Variants in SLC14A1 observed in about 807,000 individuals in gnomAD.
The protein encoded by SLC14A1 is urea transporter 1.
SLC14A1 carries 36 observed loss-of-function variants against 39.6 expected under a neutral mutation model. The observed-to-expected ratio is 0.91, with a 90% CI of 0.70 to 1.20. SLC14A1 has a LOEUF of 1.20. SLC14A1 is among the 50% of genes most tolerant of loss of function. The pLI is 0.00. For missense variants in SLC14A1, 469 were observed against 478.7 expected, an observed-to-expected ratio of 0.98 and a Z score of 0.19; for synonymous variants, 164 against 173.6, an observed-to-expected ratio of 0.94 and a Z score of 0.43.
intron 8 of SLC14A1, chr18:45,740,000 A>G (rs918766999): frequency 2.7e-6 from 1 of 374,520 alleles, no homozygotes; most frequent in African/African-American, 2.1e-5. Context: ...CATGCCACAC[A>G]TGCCTTCTCA....
rs1317460816 is a variant in SLC14A1, at chr18:45,751,174, T to C, written c.*1223T>C. On this transcript the variant is annotated 3_prime_UTR_variant, in exon 10 of 10. Coordinates refer to ENST00000321925, the MANE Select transcript of SLC14A1 (RefSeq NM_015865.7). ...GGGCAGCATGGTGAAACCCTGTATCTACAAAAAATACAAAAATTAGCCAGG... is the reference window on the plus strand; with the variant it reads ...GGGCAGCATGGTGAAACCCTGTATCCACAAAAAATACAAAAATTAGCCAGG... The C allele has an allele frequency of 1.7e-5, 7 of 421,210 alleles. No individual in the cohort carries two copies. The highest frequency in any genetic ancestry group is 2.2e-5 in the Non-Finnish European group (7 of 315,664). 26.1% of individuals were successfully genotyped at this position (421,210 alleles called of 1,614,324 possible). A position where few individuals can be genotyped will look rare whatever the true frequency, so the allele number is the denominator to read the frequency against.
intron 8 of SLC14A1, among the ~76,000 whole-genome samples, chr18:45,742,089 G>A (rs1599306097): frequency 6.6e-6 from 1 of 151,998 alleles, no homozygotes. Flanking sequence ...AATCTTTGTG[G>A]GAGAAGAAGA....
At chr18:45,740,496 G>A (rs2047336169) in intron 8 of SLC14A1, among the ~76,000 whole-genome samples, 1 of 146,942 alleles carries the variant, frequency 6.8e-6, no homozygotes, top group Non-Finnish European at 1.5e-5. Context: ...ACTTCAGCCT[G>A]GGCAACAGAG....
In SLC14A1 at chr18:45,742,678, A is replaced by ATGC. The variant is rs1599309284; in HGVS notation, c.946+3018_946+3019insCTG. ...TGGCGGGTGCTGAGTTTTTTGTTTT[A>ATGC]TGTTGTTGTTGTTGTTTGAGATGGA... On this transcript the variant is annotated intron_variant, in intron 8 of 9. Coordinates refer to ENST00000321925, the MANE Select transcript of SLC14A1 (RefSeq NM_015865.7). 4.7e-5 allele frequency among the ~76,000 whole-genome samples: 7 copies of ATGC among 150,108 alleles called. No homozygotes were observed. The East Asian group carries it at 1.4e-3, about 30-fold the overall frequency.
chr18:45,739,811 A>G, intron 8 of SLC14A1, 149 bp downstream of exon 8: 1 of 933,734 alleles, frequency 1.1e-6, no homozygotes, highest in Non-Finnish European at 1.7e-6. Context: ...AGGACAAGTG[A>G]CGTCCCCTCT....
intron 2 of SLC14A1, among the ~76,000 whole-genome samples, chr18:45,728,065 C>T (rs1273025675): frequency 6.6e-6 from 1 of 152,206 alleles, no homozygotes; most frequent in Non-Finnish European, 1.5e-5. Flanking sequence ...AGCCCTACAA[C>T]CCATCCCAAT....
chr18:45,740,275 TTGA>T (rs1431682571), intron 8 of SLC14A1, among the ~76,000 whole-genome samples: 1 of 152,140 alleles, frequency 6.6e-6, no homozygotes, highest in African/African-American at 2.4e-5. Flanking sequence ...TAAATCAGGG[TTGA>T]TTACATTTAC....
chr18:45,742,353 G>GTTTTTTTTTTTTTTTTTTTTTTTTGTTT (rs34628652), intron 8 of SLC14A1, among the ~76,000 whole-genome samples: 2 of 118,054 alleles, frequency 1.7e-5, no homozygotes, highest in Non-Finnish European at 1.6e-5. Flanking sequence ...TTGTTTTTTG[G>GTTTTTTTTTTTTTTTTTTTTTTTTGTTT]TTTTTTTTTT....
rs1256360944 is a variant in SLC14A1 at position 45,751,245 on chromosome 18, T to C, written c.*1294T>C. ...GTTCCAGCTACTTGGGAGGCTGAGGTGGGAAAATGACTTGAGCCCAGGAGG... is the reference window on the plus strand; with the variant it reads ...GTTCCAGCTACTTGGGAGGCTGAGGCGGGAAAATGACTTGAGCCCAGGAGG... On this transcript the variant is annotated 3_prime_UTR_variant, in exon 10 of 10. Transcript: ENST00000321925. The C allele has an allele frequency of 2.2e-6, 1 of 457,036 alleles. No individual in the cohort carries two copies. Among genetic ancestry groups the C allele is most frequent in the Non-Finnish European group, 2.8e-6 (1 of 352,240 alleles). 28.3% of individuals were successfully genotyped at this position (457,036 alleles called of 1,614,324 possible).
At chr18:45,739,495 A>T (rs1483187125) in intron 7 of SLC14A1, 33 bp from the exon 8 acceptor site, 8 of 1,613,834 alleles carry the variant, frequency 5.0e-6, no homozygotes, top group Non-Finnish European at 6.8e-6. Context: ...TCCTGCCTTT[A>T]GTCCTGAGTT....
chr18:45,738,959 C>G (rs112834882), intron 6 of SLC14A1, among the ~76,000 whole-genome samples: 3,348 of 152,202 alleles, frequency 0.022, 118 homozygotes, highest in African/African-American at 0.071. Context: ...CAGGGAAGGG[C>G]TGGTGTATCT....
chr18:45,735,676 G>C (rs930153471), intron 5 of SLC14A1, among the ~76,000 whole-genome samples: 1 of 152,204 alleles, frequency 6.6e-6, no homozygotes, highest in African/African-American at 2.4e-5. Flanking sequence ...CCTACCTGTA[G>C]AGCTAAACTC....
In SLC14A1 at chr18:45,749,784, T is replaced by C. The variant is rs1459787548; in HGVS notation, c.1003T>C (p.Leu335=). 1 of 1,614,180 alleles carries C rather than the reference T, an allele frequency of 6.2e-7. No homozygotes were observed. Among genetic ancestry groups the C allele is most frequent in the Non-Finnish European group, 8.5e-7 (1 of 1,180,022 alleles). The change falls in exon 10 of 10, where the codon TTG becomes CTG. Residue 335 remains leucine (L), a synonymous_variant. Transcript: ENST00000321925. ...GMANFMAEVG[L]PACTWPFCLA... ...GCTTTCTCTTCTTCCCCAGGTTGGA[T>C]TGCCAGCTTGTACCTGGCCCTTCTG...
At chr18:45,731,989 A>G (rs1232879387) in intron 4 of SLC14A1, among the ~76,000 whole-genome samples, 2 of 152,202 alleles carry the variant, frequency 1.3e-5, no homozygotes, top group East Asian at 1.9e-4. Context: ...CCACTTTTCT[A>G]TCAATTTCAA....
At chr18:45,739,814 TC>T in intron 8 of SLC14A1, 152 bp downstream of exon 8, 1 of 912,130 alleles carries the variant, frequency 1.1e-6, no homozygotes, top group South Asian at 1.4e-5. Context: ...ACAAGTGACG[TC>T]CCCTCTCTGA....
At position 45,750,504 on chromosome 18, in the gene SLC14A1, A is replaced by G. The variant is rs1479640366; in HGVS notation, c.*553A>G. 21 of 1,021,402 alleles carry G rather than the reference A, an allele frequency of 2.1e-5. No homozygotes were observed. Among genetic ancestry groups the G allele is most frequent in the Non-Finnish European group, 2.3e-5 (20 of 851,942 alleles). 63.3% of individuals were successfully genotyped at this position (1,021,402 alleles called of 1,614,324 possible). On this transcript the variant is annotated 3_prime_UTR_variant, in exon 10 of 10. Transcript: ENST00000321925. Reference sequence around the variant, plus strand: ...GCTCAGTCCCCACTTCCTGCAAACAATGGCCTGCACCCTATCCCTTGTGTG... The same window carrying G: ...GCTCAGTCCCCACTTCCTGCAAACAGTGGCCTGCACCCTATCCCTTGTGTG...
rs1314848809 is a variant in SLC14A1, at chr18:45,730,426, G to T, written c.106G>T (p.Gly36Cys). Residue 36 changes from glycine (G) to cysteine (C), a missense_variant, in exon 3 of 10, where the codon GGC (glycine) becomes TGC (cysteine). By Grantham distance (159) the Gly-to-Cys change is radical (BLOSUM62 -3). Coordinates refer to ENST00000321925, the MANE Select transcript of SLC14A1 (RefSeq NM_015865.7). ...GAGAAGGTGCTTCCCCAAAGCTCTT[G>T]GCTATGTCACCGGTGACATGAAAGA... ...QGRRCFPKALGYVTGDMKELA... is the reference protein window; with the variant it reads ...QGRRCFPKALCYVTGDMKELA... 1 of 1,614,178 alleles carries T rather than the reference G, an allele frequency of 6.2e-7. No homozygotes were observed.
chr18:45,725,804 T>C (rs2046849042), intron 2 of SLC14A1, among the ~76,000 whole-genome samples: 1 of 152,244 alleles, frequency 6.6e-6, no homozygotes, highest in African/African-American at 2.4e-5. Flanking sequence ...TTCTATAAAA[T>C]GAAGGCTTGA....
chr18:45,734,219 A>G, intron 4 of SLC14A1, 55 bp from the exon 5 acceptor site: 1 of 1,612,172 alleles, frequency 6.2e-7, no homozygotes. Flanking sequence ...ATTTATGTGC[A>G]AGTGCAACCA....
Sources: gnomAD v4.1 joint callset for allele counts (sites outside exome capture counted in the v4.1 genomes callset) on GRCh38, gnomAD v4.1.1 for gene constraint, MANE v1.5 for transcripts, NCBI Gene and HGNC (gene_info 2026-07-23, HGNC 2026-07-21) for gene names.